The following IQCH variants were observed in gnomAD, a reference collection of about 807,000 sequenced individuals.
IQCH encodes the protein IQ motif containing H, also known as IQ domain-containing protein H.
A neutral mutation model predicts 117.0 loss-of-function variants in IQCH; 98 were observed. That is an observed-to-expected ratio of 0.84 (90% CI 0.71 to 0.99). IQCH has a LOEUF of 0.99. Ranked by LOEUF, IQCH falls within the 50% of genes least tolerant of loss-of-function variation. IQCH has a pLI of 0.00. For missense variants in IQCH, 1,102 were observed against 1,243.8 expected (o/e 0.89, Z 1.72); for synonymous variants, 412 against 448.2 (o/e 0.92, Z 1.02).
In IQCH at chr15:67,494,384, T is replaced by G; in HGVS notation, c.2970+18T>G. ...ATTTTAAGGTGAGGTGTTAATTAAC[T>G]AACGATTCTGGTTAATTTCTATACA... On this transcript the variant is annotated intron_variant, in intron 20 of 20. Transcript: ENST00000335894. This position sits in a 1 kb window ranked among gnomAD's most constrained non-coding sequence, Gnocchi z 5.5. 4.1e-5 allele frequency: 63 copies of G among 1,518,716 alleles called. No individual in the cohort carries two copies. The highest frequency in any genetic ancestry group is 4.9e-5 in the Non-Finnish European group (54 of 1,097,776). The allele number at this position is 1,518,716 out of a possible 1,614,324, so 94.1% of individuals were successfully genotyped here.
intron 4 of IQCH, among the ~76,000 whole-genome samples, chr15:67,294,377 G>A (rs992730329): frequency 6.6e-6 from 1 of 152,054 alleles, no homozygotes; most frequent in Non-Finnish European, 1.5e-5. Flanking sequence ...TCAGGATGGC[G>A]TTATATCATA....
At chr15:67,440,649 T>C (rs1025831545) in intron 16 of IQCH, among the ~76,000 whole-genome samples, 4 of 152,156 alleles carry the variant, frequency 2.6e-5, no homozygotes, top group African/African-American at 4.8e-5. Context: ...AGAAAAAGCA[T>C]TCGACAAAAT....
chr15:67,297,737 A>G (rs1966863810), intron 4 of IQCH, among the ~76,000 whole-genome samples: 1 of 152,170 alleles, frequency 6.6e-6, no homozygotes, highest in African/African-American at 2.4e-5. Flanking sequence ...ATTGTATTTC[A>G]TTTTACCTAA....
At chr15:67,267,473 G>A (rs1392482987) in intron 3 of IQCH, among the ~76,000 whole-genome samples, 1 of 152,198 alleles carries the variant, frequency 6.6e-6, no homozygotes, top group African/African-American at 2.4e-5. Flanking sequence ...CATGTAGAGG[G>A]CCTTTCTCTG....
At position 67,421,555 on chromosome 15, in the gene IQCH, A is replaced by C. The variant is rs753022239; in HGVS notation, c.2483A>C (p.Asp828Ala). ...TCGATAGATCTGGTGACTTTTATAG[A>C]TCCAAGCACCTTGGAACAACAGGTA... Reference protein sequence around the residue: ...YFSIDLVTFIDPSTLEQQVWA... With the variant: ...YFSIDLVTFIAPSTLEQQVWA... The change falls in exon 16 of 21, where the codon GAT (aspartate) becomes GCT (alanine). Residue 828 changes from aspartate to alanine, a missense_variant. Coordinates refer to ENST00000335894, the MANE Select transcript of IQCH (RefSeq NM_001031715.3). 18 of 1,614,120 alleles carry C rather than the reference A, an allele frequency of 1.1e-5. No homozygotes were observed. The highest frequency in any genetic ancestry group is 1.5e-5 in the Non-Finnish European group (18 of 1,180,002).
rs147692867 is a variant in IQCH at position 67,297,402 on chromosome 15, A to G, written c.387+17890A>G. Among the ~76,000 whole-genome samples the G allele has an allele frequency of 6.8e-4, 104 of 152,238 alleles. 4 individuals carry two copies. In the East Asian group the frequency reaches 0.012, roughly 18 times the overall value. Reference sequence around the variant, plus strand: ...CAAAGTCTTTGAAAGCAAATCCCAGACATCATATCATTTCACTTTATCGTA... The same window carrying G: ...CAAAGTCTTTGAAAGCAAATCCCAGGCATCATATCATTTCACTTTATCGTA... On this transcript the variant is annotated intron_variant, in intron 4 of 20. Transcript: ENST00000335894.
intron 5 of IQCH, among the ~76,000 whole-genome samples, chr15:67,340,886 A>G (rs527643607): frequency 5.3e-5 from 8 of 152,310 alleles, no homozygotes; most frequent in African/African-American, 1.9e-4. Context: ...GTATATCCTC[A>G]ATTCTACCAT....
intron 15 of IQCH, among the ~76,000 whole-genome samples, chr15:67,418,933 G>A (rs911501629): frequency 6.6e-6 from 1 of 151,752 alleles, no homozygotes; most frequent in Non-Finnish European, 1.5e-5. Flanking sequence ...TGATCTCCAG[G>A]CCCGTCCAGG....
chr15:67,482,915 T>G (rs1396065348), intron 18 of IQCH, among the ~76,000 whole-genome samples: 1 of 152,182 alleles, frequency 6.6e-6, no homozygotes, highest in Non-Finnish European at 1.5e-5. Flanking sequence ...AGGTTTACTT[T>G]GGTGAGCTGC....
chr15:67,263,538 T>A (rs1412441356), intron 3 of IQCH, among the ~76,000 whole-genome samples: 1 of 152,226 alleles, frequency 6.6e-6, no homozygotes, highest in African/African-American at 2.4e-5. Context: ...ATGAAGTGAT[T>A]ATAGATTATT....
rs1049772413 is a variant in IQCH, at chr15:67,474,675, T to C, written c.2677-1021T>C. Among the ~76,000 whole-genome samples the C allele has an allele frequency of 6.6e-6, 1 of 152,222 alleles. No homozygotes were observed. Among genetic ancestry groups the C allele is most frequent in the Non-Finnish European group, 1.5e-5 (1 of 68,046 alleles). On this transcript the variant is annotated intron_variant, in intron 17 of 20. Transcript: ENST00000335894. The surrounding 1 kb of genome is among the most constrained non-coding windows in gnomAD (Gnocchi z 4.1). Reference sequence around the variant, plus strand: ...AAAGAAAGCAGCATCAAATTTCTAATGTTGGCCACCTCAAGGAGGTGGTCC... The same window carrying C: ...AAAGAAAGCAGCATCAAATTTCTAACGTTGGCCACCTCAAGGAGGTGGTCC...
chr15:67,321,988 A>G (rs1968156633), intron 4 of IQCH, among the ~76,000 whole-genome samples: 1 of 152,222 alleles, frequency 6.6e-6, no homozygotes, highest in Admixed American at 6.5e-5. Context: ...CAGGTAGCGG[A>G]TGATGATTTT....
chr15:67,423,884 G>T (rs1246996714), intron 16 of IQCH, among the ~76,000 whole-genome samples: 1 of 151,540 alleles, frequency 6.6e-6, no homozygotes, highest in Non-Finnish European at 1.5e-5. Flanking sequence ...AAAAAAGGAA[G>T]AAGGAGAGTG....
At chr15:67,329,821 T>TACACACACAC (rs35445898) in intron 4 of IQCH, among the ~76,000 whole-genome samples, 9 of 148,952 alleles carry the variant, frequency 6.0e-5, no homozygotes, top group African/African-American at 1.5e-4. Context: ...GAGTGAATTA[T>TACACACACAC]ACACACACAC....
chr15:67,357,287 A>C (rs1969928455), intron 6 of IQCH, 58 bp from the exon 7 acceptor site: 1 of 1,177,170 alleles, frequency 8.5e-7, no homozygotes, highest in African/African-American at 1.5e-5. Context: ...AATAGCATCC[A>C]ACCAGTGACT....
chr15:67,322,965 G>T (rs552608617), intron 4 of IQCH, among the ~76,000 whole-genome samples: 1 of 152,298 alleles, frequency 6.6e-6, no homozygotes, highest in South Asian at 2.1e-4. Flanking sequence ...TTAGGAAAGG[G>T]TAGGTGTATG....
Position 67,443,055 on chromosome 15 carries a change from C to T in IQCH, c.2505+21478C>T, listed in dbSNP as rs2082317097. 1.3e-5 allele frequency among the ~76,000 whole-genome samples: 2 copies of T among 151,136 alleles called. No homozygotes were observed. The highest frequency in any genetic ancestry group is 2.0e-4 in the East Asian group (1 of 5,126). On this transcript the variant is annotated intron_variant, in intron 16 of 20. Transcript: ENST00000335894. The surrounding 1 kb of genome is among the most constrained non-coding windows in gnomAD (Gnocchi z 5.0). ...TCGCCCAGTCCAGAGTGCAGTGGTG[C>T]GATCTCGGCTCACTGCAAGCTCCGC... is the stretch of plus-strand genomic sequence containing the variant.
rs113863895 is a variant in IQCH, at chr15:67,289,061, A to G, written c.387+9549A>G. 3.1e-3 allele frequency among the ~76,000 whole-genome samples: 470 copies of G among 152,252 alleles called. 3 individuals are homozygous for G. The highest frequency in any genetic ancestry group is 0.011 in the African/African-American group (453 of 41,568). On this transcript the variant is annotated intron_variant, in intron 4 of 20. Coordinates refer to ENST00000335894, the MANE Select transcript of IQCH (RefSeq NM_001031715.3). ...CTGGGGGGAACCCAATGAGTTCCTC[A>G]TGGTTAAAATGTAGACAGTATTGTT...
Position 67,357,414 on chromosome 15 carries a change from G to A in IQCH, c.707G>A (p.Arg236Lys). 1 of 1,590,918 alleles carries A rather than the reference G, an allele frequency of 6.3e-7. No homozygotes were observed. The highest frequency in any genetic ancestry group is 8.6e-7 in the Non-Finnish European group (1 of 1,158,842). Residue 236 changes from arginine (R) to lysine (K), a missense_variant, in exon 7 of 21, where the codon AGA becomes AAA. Physicochemically the swap from Arg to Lys is conservative, Grantham distance 26. Coordinates refer to ENST00000335894, the MANE Select transcript of IQCH (RefSeq NM_001031715.3). ...AEVKFFPKKQ[R>K]SKGKSRRSRG... Reference sequence around the variant, plus strand: ...GTGAAGTTCTTTCCCAAGAAACAAAGATCAAAGGTATTTATATTCCTCACT... The same window carrying A: ...GTGAAGTTCTTTCCCAAGAAACAAAAATCAAAGGTATTTATATTCCTCACT...
Sources: allele counts gnomAD v4.1 joint callset (sites outside exome capture counted in the v4.1 genomes callset), GRCh38; gene constraint gnomAD v4.1.1; non-coding constraint Gnocchi (gnomAD v3.1); transcripts MANE v1.5; gene names NCBI Gene and HGNC (gene_info 2026-07-23, HGNC 2026-07-21).